The following SEMA3A variants were observed in gnomAD, a reference collection of about 807,000 sequenced individuals.
SEMA3A encodes semaphorin-3A.
In SEMA3A, 29 loss-of-function variants were observed where a neutral mutation model predicts 97.9. The ratio of observed to expected loss-of-function variants is 0.30; its 90% confidence interval spans 0.22 to 0.40. The LOEUF is 0.40. Ranked by LOEUF, SEMA3A falls within the 10% of genes least tolerant of loss-of-function variation. The probability of loss-of-function intolerance (pLI) is 1.00; values close to 1 mark genes in which losing one functional copy is unlikely to be tolerated. For missense variants in SEMA3A, 763 were observed against 951.3 expected (o/e 0.80, Z 2.60); for synonymous variants, 321 against 323.7 (o/e 0.99, Z 0.09).
In SEMA3A at chr7:84,099,089, G is replaced by A. The variant is rs1256828075; in HGVS notation, c.453+11381C>T. Among the ~76,000 whole-genome samples the A allele has an allele frequency of 2.5e-4, 4 of 16,126 alleles. 2 individuals carry two copies. Among genetic ancestry groups the A allele is most frequent in the Non-Finnish European group, 5.5e-4 (4 of 7,218 alleles). 10.6% of individuals were successfully genotyped at this position (16,126 alleles called of 152,430 possible). ...TCTTTTTTTTTCTTTTTTTTTTTTT[G>A]AGACGGAGTCTCGCTCTGTCGCCCA... On this transcript the variant is annotated intron_variant, in intron 4 of 16. Transcript: ENST00000265362.
At chr7:84,089,277 T>C (rs1018710238) in intron 4 of SEMA3A, among the ~76,000 whole-genome samples, 6 of 152,200 alleles carry the variant, frequency 3.9e-5, no homozygotes, top group Admixed American at 3.3e-4. Context: ...TATACGCACA[T>C]ATAATGCAAC....
chr7:84,083,431 A>ATT (rs139690621), intron 4 of SEMA3A, among the ~76,000 whole-genome samples: 4 of 151,548 alleles, frequency 2.6e-5, no homozygotes, highest in Non-Finnish European at 4.4e-5. Flanking sequence ...GGCATTCATC[A>ATT]TTTTTTTTGT....
intron 1 of SEMA3A, among the ~76,000 whole-genome samples, chr7:84,487,981 T>A (rs1806620186): frequency 6.6e-6 from 1 of 152,102 alleles, no homozygotes; most frequent in African/African-American, 2.4e-5. Context: ...TTGTCTTGCG[T>A]AAGTCTGCTT....
At chr7:84,435,646 A>G (rs1028080572) in intron 1 of SEMA3A, among the ~76,000 whole-genome samples, 1 of 152,170 alleles carries the variant, frequency 6.6e-6, no homozygotes, top group African/African-American at 2.4e-5. Flanking sequence ...AAGGAGAACT[A>G]CAAAACACTG....
upstream of SEMA3A, chr7:84,492,725 TA>T (rs560667846): frequency 6.6e-6 from 1 of 151,642 alleles, no homozygotes; most frequent in South Asian, 2.1e-4. Flanking sequence ...GCTTCATCTC[TA>T]TTAGAGCTAT....
intron 1 of SEMA3A, among the ~76,000 whole-genome samples, chr7:84,439,347 T>C (rs1263340858): frequency 6.6e-6 from 1 of 152,138 alleles, no homozygotes; most frequent in Non-Finnish European, 1.5e-5. Flanking sequence ...AAATTTCATG[T>C]GTCGACATGG....
intron 1 of SEMA3A, among the ~76,000 whole-genome samples, chr7:84,153,565 T>C (rs992410725): frequency 2.0e-5 from 3 of 152,170 alleles, no homozygotes; most frequent in African/African-American, 7.2e-5. Context: ...TATGTTTAAG[T>C]AGTTTCTTAA....
At chr7:84,250,953 C>G (rs994154044) in intron 3 of SEMA3A, among the ~76,000 whole-genome samples, 1 of 152,088 alleles carries the variant, frequency 6.6e-6, no homozygotes, top group Admixed American at 6.6e-5. Context: ...ATGTCCAGCA[C>G]GCAGATAATC....
intron 2 of SEMA3A, among the ~76,000 whole-genome samples, chr7:84,353,325 T>C (rs1802479236): frequency 6.7e-6 from 1 of 149,588 alleles, no homozygotes; most frequent in Admixed American, 6.6e-5. Context: ...ATTTTATATA[T>C]TCATACATAC....
chr7:84,331,474 C>T (rs1236669251), intron 2 of SEMA3A, among the ~76,000 whole-genome samples: 1 of 152,056 alleles, frequency 6.6e-6, no homozygotes, highest in South Asian at 2.1e-4. Flanking sequence ...GTTTTCATTG[C>T]CCCTTATCTA....
intron 1 of SEMA3A, among the ~76,000 whole-genome samples, chr7:84,171,939 G>C (rs1049840923): frequency 5.3e-5 from 8 of 152,098 alleles, no homozygotes; most frequent in African/African-American, 1.9e-4. Context: ...CAAAAAGGGA[G>C]ACAACCATTA....
At chr7:84,123,992 T>C (rs1402316553) in intron 3 of SEMA3A, among the ~76,000 whole-genome samples, 1 of 152,064 alleles carries the variant, frequency 6.6e-6, no homozygotes, top group Non-Finnish European at 1.5e-5. Flanking sequence ...AGTTATATTA[T>C]CCCAGCTGCA....
chr7:83,993,452 A>C (rs1165038112), intron 12 of SEMA3A, among the ~76,000 whole-genome samples: 1 of 151,494 alleles, frequency 6.6e-6, no homozygotes, highest in Non-Finnish European at 1.5e-5. Context: ...AGTGGCTGGT[A>C]CCGGTTTTTC....
intron 4 of SEMA3A, among the ~76,000 whole-genome samples, chr7:84,069,472 C>G (rs530083359): frequency 7.2e-5 from 11 of 152,042 alleles, no homozygotes; most frequent in Admixed American, 3.9e-4. Flanking sequence ...TCTTATGTCA[C>G]AGTAGAAATG....
chr7:84,477,220 C>G (rs1045779210), intron 1 of SEMA3A, among the ~76,000 whole-genome samples: 1 of 150,652 alleles, frequency 6.6e-6, no homozygotes, highest in Non-Finnish European at 1.5e-5. Context: ...GGGCGGATCA[C>G]AAGGTCAGGA....
At chr7:84,013,068 G>A (rs17158500) in intron 7 of SEMA3A, among the ~76,000 whole-genome samples, 18,231 of 151,908 alleles carry the variant, frequency 0.12, 1,259 homozygotes, top group East Asian at 0.24. Flanking sequence ...TTGGGGTAAC[G>A]GGTCACACAT....
At chr7:84,168,157 TACTC>T (rs780902087) in intron 1 of SEMA3A, among the ~76,000 whole-genome samples, 11 of 152,036 alleles carry the variant, frequency 7.2e-5, no homozygotes, top group Non-Finnish European at 1.6e-4. Context: ...TTCAGGCTGA[TACTC>T]AATTACAAAA....
At chr7:84,312,884 A>G (rs1443539227) in intron 2 of SEMA3A, among the ~76,000 whole-genome samples, 1 of 35,942 alleles carries the variant, frequency 2.8e-5, no homozygotes, top group Non-Finnish European at 6.7e-5. Flanking sequence ...ATATATATAT[A>G]TATATATATA....
chr7:84,469,768 G>A (rs543895123), intron 1 of SEMA3A, among the ~76,000 whole-genome samples: 1 of 152,018 alleles, frequency 6.6e-6, no homozygotes, highest in Non-Finnish European at 1.5e-5. Flanking sequence ...TTTACAAAAT[G>A]GTTTAATTAC....
Sources: allele counts gnomAD v4.1 joint callset (sites outside exome capture counted in the v4.1 genomes callset), GRCh38; gene constraint gnomAD v4.1.1; transcripts MANE v1.5; gene names NCBI Gene and HGNC (gene_info 2026-07-23, HGNC 2026-07-21).